RAC1: variants seen among roughly 807,000 people sequenced by gnomAD.
RAC1 encodes Rac family small GTPase 1.
RAC1 carries 2 observed loss-of-function variants against 25.2 expected under a neutral mutation model. The ratio of observed to expected loss-of-function variants is 0.08; its 90% CI spans 0.03 to 0.25. The LOEUF (loss-of-function observed/expected upper bound fraction) is 0.25. Ranked by LOEUF, RAC1 falls within the 10% of genes least tolerant of loss-of-function variation. RAC1 has a pLI of 1.00. For missense variants in RAC1, 50 were observed against 235.7 expected (o/e 0.21, Z 5.16); for synonymous variants, 88 against 94.0 (o/e 0.94, Z 0.37).
chr7:6,398,578 A>C (rs1429647124), intron 3 of RAC1: 2 of 1,222,096 alleles, frequency 1.6e-6, no homozygotes, highest in Non-Finnish European at 2.4e-6. Context: ...ACAAAATTCT[A>C]ATAAAGAATC....
At chr7:6,382,033 G>A (rs968181432) in intron 1 of RAC1, among the ~76,000 whole-genome samples, 2 of 151,866 alleles carry the variant, frequency 1.3e-5, no homozygotes, top group African/African-American at 4.8e-5. Flanking sequence ...TCGCTCTGTT[G>A]CTCAGGCTGG....
chr7:6,379,384 C>T (rs1314158890), intron 1 of RAC1, among the ~76,000 whole-genome samples: 2 of 150,618 alleles, frequency 1.3e-5, no homozygotes, highest in African/African-American at 4.9e-5. Context: ...AAGCGATTCT[C>T]CTGCCTCAGC....
At chr7:6,388,314 C>G (rs1381205886) in intron 2 of RAC1, among the ~76,000 whole-genome samples, 1 of 150,470 alleles carries the variant, frequency 6.6e-6, no homozygotes. Context: ...AAGTGTCGTA[C>G]CCATGTTTTT....
At chr7:6,387,408 T>C (rs574682890) in intron 2 of RAC1, 125 bp downstream of exon 2, 351 of 703,242 alleles carry the variant, frequency 5.0e-4, no homozygotes, top group Non-Finnish European at 8.0e-4. Context: ...TTCTTAAACA[T>C]TCACTGAAAC....
chr7:6,396,561 A>G (rs755522456), intron 3 of RAC1, among the ~76,000 whole-genome samples: 3 of 152,124 alleles, frequency 2.0e-5, no homozygotes, highest in Non-Finnish European at 4.4e-5. Context: ...CATGCCACAG[A>G]TACGATCAGA....
chr7:6,375,303 C>T (rs1782550055), intron 1 of RAC1, among the ~76,000 whole-genome samples: 3 of 151,908 alleles, frequency 2.0e-5, no homozygotes, highest in South Asian at 4.2e-4. Context: ...TTGCCCAGGC[C>T]GGTCTCGAAC....
chr7:6,387,330 A>C, intron 2 of RAC1, 47 bp downstream of exon 2: 1 of 1,315,208 alleles, frequency 7.6e-7, no homozygotes, highest in Non-Finnish European at 1.1e-6. Flanking sequence ...TACGGGTTTC[A>C]CATTTCTTTG....
intron 3 of RAC1, among the ~76,000 whole-genome samples, chr7:6,398,060 C>A (rs1783297498): frequency 6.6e-6 from 1 of 152,188 alleles, no homozygotes; most frequent in Non-Finnish European, 1.5e-5. Flanking sequence ...GTCTTAGTGT[C>A]AGCAACAGTG....
At chr7:6,397,189 C>T (rs6971605) in intron 3 of RAC1, among the ~76,000 whole-genome samples, 13,949 of 141,662 alleles carry the variant, frequency 0.098, 1,192 homozygotes, top group East Asian at 0.49. Context: ...TGCAGTGAGC[C>T]GAGATCGCGC....
At chr7:6,402,185 C>A in intron 5 of RAC1, 131 bp from the exon 6 acceptor site, 1 of 1,456,580 alleles carries the variant, frequency 6.9e-7, no homozygotes, top group East Asian at 2.3e-5. Context: ...TTAACGTCAG[C>A]GTTGGAAGGT....
At chr7:6,399,056 T>G (rs1783326948) in intron 3 of RAC1, among the ~76,000 whole-genome samples, 1 of 152,054 alleles carries the variant, frequency 6.6e-6, no homozygotes, top group African/African-American at 2.4e-5. Flanking sequence ...AGGACTAACC[T>G]TGTTGCCGGG....
At chr7:6,374,933 C>G (rs1303283512) in intron 1 of RAC1, among the ~76,000 whole-genome samples, 163 bp downstream of exon 1, 1 of 151,252 alleles carries the variant, frequency 6.6e-6, no homozygotes, top group African/African-American at 2.4e-5. Flanking sequence ...GCGCCCCCAC[C>G]GGACCCTGAC....
rs35684935 is a variant in RAC1 at position 6,394,955 on chromosome 7, C to T, written c.225+2914C>T. ...CTGCAAGCTTCACCTCCTGGGTTCA[C>T]GCCATTCTCCTGCCTCAGCCTCCCA... On this transcript the variant is annotated intron_variant, in intron 3 of 5. Transcript: ENST00000348035. 5.5e-3 allele frequency among the ~76,000 whole-genome samples: 842 copies of T among 152,200 alleles called. 7 individuals are homozygous for T. The highest frequency in any genetic ancestry group is 0.019 in the African/African-American group (805 of 41,526).
intron 4 of RAC1, 27 bp from the exon 5 acceptor site, chr7:6,401,841 C>G: frequency 6.3e-7 from 1 of 1,599,232 alleles, no homozygotes. Context: ...GAGCGTGTCA[C>G]AACCTCTGTT....
chr7:6,379,689 C>T (rs1161937101), intron 1 of RAC1, among the ~76,000 whole-genome samples: 1 of 152,280 alleles, frequency 6.6e-6, no homozygotes, highest in East Asian at 1.9e-4. Context: ...GGATTATGGG[C>T]GTGAGCCATC....
At chr7:6,389,539 G>T (rs1783026006) in intron 2 of RAC1, among the ~76,000 whole-genome samples, 1 of 152,046 alleles carries the variant, frequency 6.6e-6, no homozygotes, top group African/African-American at 2.4e-5. Context: ...AATTAGCTGG[G>T]CATGGTGGCA....
rs1782533955 is a variant in RAC1 at position 6,374,856 on chromosome 7, G to C, written c.35+86G>C. 5.0e-6 allele frequency: 5 copies of C among 1,008,190 alleles called. 1 individual carries two copies. In the Admixed American group the frequency reaches 2.8e-4, roughly 56 times the overall value. 62.5% of individuals were successfully genotyped at this position (1,008,190 alleles called of 1,614,324 possible). A position where few individuals can be genotyped will look rare whatever the true frequency, so the allele number is the denominator to read the frequency against. ...CCCGGACTGGGGCCCAGGCAGGCCG[G>C]CGTCCGCCGCGGTCTCGCGTAGGCG... On this transcript the variant is annotated intron_variant, in intron 1 of 5. Coordinates refer to ENST00000348035, the MANE Select transcript of RAC1 (RefSeq NM_006908.5).
chr7:6,380,766 T>C (rs1468345937), intron 1 of RAC1, among the ~76,000 whole-genome samples: 4 of 152,212 alleles, frequency 2.6e-5, no homozygotes, highest in African/African-American at 9.6e-5. Context: ...AGTATTTTGC[T>C]CTACTTGTTC....
chr7:6,385,405 G>T (rs551890156), intron 1 of RAC1, among the ~76,000 whole-genome samples: 4 of 152,278 alleles, frequency 2.6e-5, no homozygotes, highest in East Asian at 1.9e-4. Flanking sequence ...AAAGGCATGA[G>T]GAAGTTGAAA....
Sources: gnomAD v4.1 joint callset for allele counts (sites outside exome capture counted in the v4.1 genomes callset) on GRCh38, gnomAD v4.1.1 for gene constraint, MANE v1.5 for transcripts, NCBI Gene and HGNC (gene_info 2026-07-23, HGNC 2026-07-21) for gene names.